Variants in PARD3B observed in about 807,000 individuals in gnomAD.
PARD3B encodes par-3 family cell polarity regulator beta, also known as partitioning defective 3 homolog B.
A neutral mutation model predicts 130.2 loss-of-function variants in PARD3B; 103 were observed. The observed-to-expected ratio is 0.79, with a 90% CI of 0.67 to 0.93. The LOEUF is 0.93. Ranked by LOEUF, PARD3B falls within the 40% of genes least tolerant of loss-of-function variation. The pLI is 0.00. For missense variants in PARD3B, 1,609 were observed against 1,499.2 expected (o/e 1.07, Z -1.21); for synonymous variants, 583 against 553.2 (o/e 1.05, Z -0.76).
chr2:205,163,255 C>T (rs1283383622), intron 11 of PARD3B, among the ~76,000 whole-genome samples: 1 of 152,020 alleles, frequency 6.6e-6, no homozygotes, highest in African/African-American at 2.4e-5. Context: ...GGAAGAATGT[C>T]GTATATCAGG....
At chr2:205,434,264 C>T (rs973243001) in intron 19 of PARD3B, among the ~76,000 whole-genome samples, 2 of 152,088 alleles carry the variant, frequency 1.3e-5, no homozygotes, top group African/African-American at 4.8e-5. Flanking sequence ...GCCTATTAGG[C>T]ATTTCTAGTT....
chr2:205,413,317 T>C (rs1442908411), intron 19 of PARD3B, among the ~76,000 whole-genome samples: 1 of 152,196 alleles, frequency 6.6e-6, no homozygotes, highest in African/African-American at 2.4e-5. Context: ...TAGATGTTTG[T>C]ATTTACAAAC....
chr2:204,917,116 G>A (rs555705107), intron 2 of PARD3B, among the ~76,000 whole-genome samples: 2 of 152,290 alleles, frequency 1.3e-5, no homozygotes, highest in African/African-American at 4.8e-5. Flanking sequence ...AGCCAGAGGA[G>A]GACAATTTAA....
chr2:204,919,450 A>G (rs968689559), intron 2 of PARD3B, among the ~76,000 whole-genome samples: 1 of 152,164 alleles, frequency 6.6e-6, no homozygotes, highest in Non-Finnish European at 1.5e-5. Context: ...ATTGTTTTCT[A>G]CCATAAATTG....
chr2:205,153,749 G>A (rs569823933), intron 10 of PARD3B, among the ~76,000 whole-genome samples: 16 of 152,002 alleles, frequency 1.1e-4, no homozygotes, highest in Non-Finnish European at 1.2e-4. Flanking sequence ...CCATACATCC[G>A]TAACCATCTG....
At chr2:204,667,491 G>A (rs1230965949) in intron 1 of PARD3B, among the ~76,000 whole-genome samples, 1 of 152,064 alleles carries the variant, frequency 6.6e-6, no homozygotes, top group Non-Finnish European at 1.5e-5. Context: ...ATTTTTAGCT[G>A]CCTGTTAGAC....
intron 2 of PARD3B, among the ~76,000 whole-genome samples, chr2:204,910,410 A>C (rs1461688126): frequency 6.6e-6 from 1 of 152,194 alleles, no homozygotes; most frequent in Non-Finnish European, 1.5e-5. Flanking sequence ...AAAGGTAAGA[A>C]ATTTGTAATA....
At chr2:205,182,488 C>G (rs2035848235) in intron 13 of PARD3B, among the ~76,000 whole-genome samples, 1 of 151,306 alleles carries the variant, frequency 6.6e-6, no homozygotes, top group African/African-American at 2.4e-5. Context: ...ATAAAACTAG[C>G]TAGAGAAGAG....
chr2:204,833,685 A>G (rs540017259), intron 2 of PARD3B, among the ~76,000 whole-genome samples: 10 of 152,150 alleles, frequency 6.6e-5, no homozygotes, highest in South Asian at 4.1e-4. Context: ...GCCAGCATGT[A>G]AGACATGCCT....
intron 3 of PARD3B, among the ~76,000 whole-genome samples, chr2:205,004,135 C>G (rs1357530661): frequency 6.6e-6 from 1 of 152,146 alleles, no homozygotes; most frequent in African/African-American, 2.4e-5. Flanking sequence ...TATTCTTATT[C>G]AGAGTTGGGG....
intron 2 of PARD3B, among the ~76,000 whole-genome samples, chr2:204,812,152 A>C (rs1244019873): frequency 6.6e-6 from 1 of 152,100 alleles, no homozygotes; most frequent in African/African-American, 2.4e-5. Flanking sequence ...GGCTTACTTC[A>C]CTCACTAAAA....
chr2:205,298,648 C>T (rs1446105649), intron 16 of PARD3B, among the ~76,000 whole-genome samples: 2 of 152,114 alleles, frequency 1.3e-5, no homozygotes, highest in African/African-American at 4.8e-5. Context: ...GTTCAAAGTG[C>T]AAAGTTGTCT....
intron 3 of PARD3B, among the ~76,000 whole-genome samples, chr2:204,990,493 T>C (rs1047837152): frequency 2.0e-5 from 3 of 152,280 alleles, no homozygotes; most frequent in South Asian, 4.1e-4. Flanking sequence ...CTAGAACTAA[T>C]TGTATGTTGA....
At chr2:205,056,334 G>A (rs1318088753) in intron 4 of PARD3B, among the ~76,000 whole-genome samples, 1 of 151,930 alleles carries the variant, frequency 6.6e-6, no homozygotes, top group Admixed American at 6.6e-5. Flanking sequence ...TTAGGAGAGT[G>A]GCCCCTTTCC....
chr2:204,694,237 A>G (rs1008578584), intron 2 of PARD3B, among the ~76,000 whole-genome samples: 2 of 152,080 alleles, frequency 1.3e-5, no homozygotes, highest in Admixed American at 1.3e-4. Flanking sequence ...CAACATTTGT[A>G]AATCATCTCA....
chr2:205,216,465 C>G (rs897540698), intron 15 of PARD3B, among the ~76,000 whole-genome samples: 1 of 151,956 alleles, frequency 6.6e-6, no homozygotes, highest in Non-Finnish European at 1.5e-5. Flanking sequence ...TTATATGTTT[C>G]TGTATATTTC....
At position 205,015,248 on chromosome 2, in the gene PARD3B, A is replaced by G. The variant is rs1034995561; in HGVS notation, c.395-32333A>G. 6.6e-6 allele frequency among the ~76,000 whole-genome samples: 1 copy of G among 152,204 alleles called. No homozygotes were observed. The highest frequency in any genetic ancestry group is 6.5e-5 in the Admixed American group (1 of 15,276). ...AAGGAAATCATAAGGAAGACAAAAT[A>G]TATTTACTATTCATTAAATGGAAGT... On this transcript the variant is annotated intron_variant, in intron 3 of 22. Coordinates refer to ENST00000406610, the MANE Select transcript of PARD3B (RefSeq NM_001302769.2). The surrounding 1 kb of genome is among the most constrained non-coding windows in gnomAD (Gnocchi z 4.5).
intron 1 of PARD3B, among the ~76,000 whole-genome samples, chr2:204,589,212 G>A (rs962087776): frequency 2.0e-5 from 3 of 152,132 alleles, no homozygotes; most frequent in African/African-American, 7.2e-5. Flanking sequence ...AGGTGGCAAA[G>A]CATATAAAAC....
At chr2:205,279,985 A>G (rs1486574128) in intron 16 of PARD3B, among the ~76,000 whole-genome samples, 63 of 152,332 alleles carry the variant, frequency 4.1e-4, no homozygotes, top group Admixed American at 6.5e-5. Context: ...ACTTATTTTC[A>G]TTCCAGAGTC....
Sources: gnomAD v4.1 joint callset for allele counts (sites outside exome capture counted in the v4.1 genomes callset) on GRCh38, gnomAD v4.1.1 for gene constraint, Gnocchi (gnomAD v3.1) non-coding constraint, MANE v1.5 for transcripts, NCBI Gene and HGNC (gene_info 2026-07-23, HGNC 2026-07-21) for gene names.